Variants in WDR81 observed in about 807,000 individuals in gnomAD.
WDR81 encodes WD repeat domain 81, also known as WD repeat-containing protein 81.
In WDR81, 92 loss-of-function variants were observed where a neutral mutation model predicts 140.8. The observed-to-expected ratio is 0.65, with a 90% CI of 0.55 to 0.78. The LOEUF (loss-of-function observed/expected upper bound fraction) is 0.78, where lower values mean the gene tolerates loss of function less well. Among genes scored for constraint, WDR81 ranks in the 30% least tolerant of loss-of-function variants. The probability of loss-of-function intolerance (pLI) is 0.00; values close to 1 mark genes in which losing one functional copy is unlikely to be tolerated. For missense variants in WDR81, 2,502 were observed against 2,636.4 expected (o/e 0.95, Z 1.12); for synonymous variants, 1,183 against 1,156.4 (o/e 1.02, Z -0.47).
rs771082226 is a variant in WDR81, at chr17:1,730,755, G to C, written c.3776G>C (p.Gly1259Ala). 1.0e-5 allele frequency: 16 copies of C among 1,605,634 alleles called. No homozygotes were observed. The highest frequency in any genetic ancestry group is 1.4e-5 in the Non-Finnish European group (16 of 1,175,882). ...LLRLLTSCYV[G>A]PTRQQFTVSS... Reference sequence around the variant, plus strand: ...AGGGCTGCTGGCCCTTCCGTGGCAGGACCCACTCGGCAGCAGTTCACAGTG... The same window carrying C: ...AGGGCTGCTGGCCCTTCCGTGGCAGCACCCACTCGGCAGCAGTTCACAGTG... Residue 1259 changes from glycine to alanine, a missense_variant and splice_region_variant, in exon 3 of 10, where the codon GGA (glycine) becomes GCA (alanine). Physicochemically the swap from Gly to Ala is moderately conservative, Grantham distance 60. Transcript: ENST00000409644.
Position 1,727,274 on chromosome 17 carries a change from A to G in WDR81, c.2315A>G (p.Gln772Arg). ...CAGTGCCTACTCCACAGGGACATGC[A>G]GGCGCTGGGTGTCCTATTGGCAGAG... Reference protein sequence around the residue: ...PLQCLLHRDMQALGVLLAEMV... With the variant: ...PLQCLLHRDMRALGVLLAEMV... Residue 772 changes from glutamine (Q) to arginine (R), a missense_variant, in exon 1 of 10, where the codon CAG becomes CGG. Coordinates refer to ENST00000409644, the MANE Select transcript of WDR81 (RefSeq NM_001163809.2). 1 of 1,550,286 alleles carries G rather than the reference A, an allele frequency of 6.5e-7. No individual in the cohort carries two copies. The highest frequency in any genetic ancestry group is 8.7e-7 in the Non-Finnish European group (1 of 1,146,968).
chr17:1,732,328 C>T lies in WDR81; in HGVS notation c.4161C>T (p.Phe1387=). 6.2e-7 allele frequency: 1 copy of T among 1,613,172 alleles called. No individual in the cohort carries two copies. The highest frequency in any genetic ancestry group is 8.5e-7 in the Non-Finnish European group (1 of 1,179,924). ...AGCTCATGAGCTCTGTTTCCAGGTTCCCAAGTGGGGCCCAGGCTCGGACCA... is the reference window on the plus strand; with the variant it reads ...AGCTCATGAGCTCTGTTTCCAGGTTTCCAAGTGGGGCCCAGGCTCGGACCA... The part of the protein sequence containing the change: ...LSFLTSLVTG[F]PSGAQARTIL... The change falls in exon 5 of 10, where the codon TTC becomes TTT. Residue 1387 remains phenylalanine (F), a synonymous_variant. Transcript: ENST00000409644.
Position 1,732,713 on chromosome 17 carries a change from G to A in WDR81, c.4371G>A (p.Gln1457=). The part of the protein sequence containing the change: ...PAGRGEGQLP[Q]VVFSDGQQRP... ...GCCGTGGTGAGGGCCAGCTGCCACA[G>A]GTGGTCTTCTCTGATGGGCAGCAGC... is the stretch of plus-strand genomic sequence containing the variant. Residue 1457 remains glutamine (Q), a synonymous_variant, in exon 6 of 10, where the codon CAG becomes CAA. Transcript: ENST00000409644. 1 of 1,612,688 alleles carries A rather than the reference G, an allele frequency of 6.2e-7. No individual in the cohort carries two copies. The highest frequency in any genetic ancestry group is 2.2e-5 in the East Asian group (1 of 44,886).
chr17:1,729,990 CAAA>C (rs71375529), intron 1 of WDR81, among the ~76,000 whole-genome samples: 1 of 68,942 alleles, frequency 1.5e-5, no homozygotes, highest in Admixed American at 1.5e-4. Context: ...GACTCTGTCT[CAAA>C]AAAAAAAAAA....
chr17:1,716,695 AGCCCCTCC>A (rs1370150172), intron 1 of WDR81: 2 of 1,526,096 alleles, frequency 1.3e-6, no homozygotes, highest in Non-Finnish European at 1.8e-6. Context: ...AAAGGGCGAC[AGCCCCTCC>A]TTGTTGGAGT....
chr17:1,724,792 C>G lies in WDR81; in HGVS notation c.-168C>G, dbSNP rs1915107304. ...AGCGCAGGACCCGCGGAGGGGTAAG[C>G]GCGCCCCCCGTCCGCCTCTTCGCCG... On this transcript the variant is annotated 5_prime_UTR_variant, in exon 1 of 10. Transcript: ENST00000409644. 1 of 1,180,436 alleles carries G rather than the reference C, an allele frequency of 8.5e-7. No homozygotes were observed. The highest frequency in any genetic ancestry group is 1.0e-6 in the Non-Finnish European group (1 of 954,766). 73.1% of individuals were successfully genotyped at this position (1,180,436 alleles called of 1,614,324 possible).
In WDR81 at chr17:1,718,009, G is replaced by A. The variant is rs188920262; in HGVS notation, c.-124+1376G>A. ...TTGGGGTTCAGAACGCTGCTTCTCA[G>A]GCCAGCCGCCCCCTACTTCCTACTC... On this transcript the variant is annotated intron_variant, in intron 1 of 10. Coordinates refer to the WDR81 transcript ENST00000309182. 3.9e-4 allele frequency among the ~76,000 whole-genome samples: 60 copies of A among 152,262 alleles called. No individual in the cohort carries two copies. In the East Asian group the frequency reaches 0.011, roughly 28 times the overall value.
intron 4 of WDR81, 83 bp from the exon 5 acceptor site, chr17:1,732,236 CAATAAA>C: frequency 6.6e-7 from 1 of 1,521,390 alleles, no homozygotes; most frequent in South Asian, 1.3e-5. Flanking sequence ...GACTCCATCT[CAATAAA>C]AATAAAAATA....
At chr17:1,728,750 C>G (rs1018547699) in intron 1 of WDR81, 124 bp downstream of exon 1, 55 of 1,237,724 alleles carry the variant, frequency 4.4e-5, no homozygotes, top group Non-Finnish European at 5.7e-5. Flanking sequence ...GTCAGGAGAT[C>G]GAGACCATCC....
intron 3 of WDR81, 35 bp downstream of exon 3, chr17:1,730,980 A>C: frequency 6.2e-7 from 1 of 1,608,320 alleles, no homozygotes; most frequent in Non-Finnish European, 8.5e-7. Context: ...GGGGCTGGGA[A>C]GGCTGAGGAC....
chr17:1,730,573 C>A, intron 2 of WDR81, 86 bp downstream of exon 2: 1 of 1,446,974 alleles, frequency 6.9e-7, no homozygotes, highest in South Asian at 1.3e-5. Context: ...GGGGATCCTT[C>A]CCACCCCTCC....
intron 6 of WDR81, 116 bp from the exon 7 acceptor site, chr17:1,733,411 C>T: frequency 9.6e-7 from 1 of 1,039,846 alleles, no homozygotes; most frequent in South Asian, 1.7e-5. Context: ...GAGTTACTTG[C>T]CCAGAGTTGC....
rs1162430441 is a variant in WDR81 at position 1,727,408 on chromosome 17, T to G, written c.2449T>G (p.Ser817Ala). The G allele has an allele frequency of 6.5e-7, 1 of 1,550,332 alleles. No individual in the cohort carries two copies. Residue 817 changes from serine to alanine, a missense_variant, in exon 1 of 10, where the codon TCT (serine) becomes GCT (alanine). By Grantham distance (99) the Ser-to-Ala change is moderately conservative (BLOSUM62 1). Transcript: ENST00000409644. ...GCGCCACCCCAAGGAGGTCCCTGTG[T>G]CTTTGCAGCCCGTGCTGGACACACT... ...CTRHPKEVPV[S>A]LQPVLDTLLQ...
chr17:1,729,317 T>G (rs1567722281), intron 1 of WDR81, among the ~76,000 whole-genome samples: 1 of 151,414 alleles, frequency 6.6e-6, no homozygotes, highest in Non-Finnish European at 1.5e-5. Flanking sequence ...CCATCTCTAC[T>G]AAAAATACAA....
upstream of WDR81, among the ~76,000 whole-genome samples, chr17:1,722,435 C>T (rs1165629620): frequency 6.6e-6 from 1 of 150,964 alleles, no homozygotes; most frequent in East Asian, 2.0e-4. Flanking sequence ...CAACCTCTGC[C>T]TCCTGGGTTC....
intron 4 of WDR81, 107 bp downstream of exon 4, chr17:1,731,365 A>T: frequency 7.5e-7 from 1 of 1,337,958 alleles, no homozygotes; most frequent in East Asian, 2.5e-5. Context: ...CTGGGTGTCA[A>T]GAGTCCTGGT....
intron 7 of WDR81, among the ~76,000 whole-genome samples, chr17:1,734,635 C>T (rs979990758): frequency 1.3e-5 from 2 of 151,848 alleles, no homozygotes; most frequent in African/African-American, 2.4e-5. Context: ...AAAAATTAGC[C>T]GGGCGTGGTG....
rs901631912 is a variant in WDR81 at position 1,727,569 on chromosome 17, G to A, written c.2610G>A (p.Val870=). The change falls in exon 1 of 10, where the codon GTG becomes GTA. Residue 870 remains valine, a synonymous_variant. Transcript: ENST00000409644. The part of the protein sequence containing the change: ...PSQLLSPFSS[V]VPFPPYFPAL... Reference sequence around the variant, plus strand: ...AGCTTCTCAGCCCCTTCAGCTCCGTGGTTCCCTTCCCACCCTACTTCCCGG... The same window carrying A: ...AGCTTCTCAGCCCCTTCAGCTCCGTAGTTCCCTTCCCACCCTACTTCCCGG... The A allele has an allele frequency of 1.1e-5, 17 of 1,550,382 alleles. No individual in the cohort carries two copies. Among genetic ancestry groups the A allele is most frequent in the Middle Eastern group, 1.7e-4 (1 of 6,014 alleles).
At chr17:1,731,637 CT>C (rs2151170567) in intron 4 of WDR81, among the ~76,000 whole-genome samples, 1 of 152,220 alleles carries the variant, frequency 6.6e-6, no homozygotes, top group Non-Finnish European at 1.5e-5. Context: ...AGCGTGGTGT[CT>C]CACCCCTGTA....
Sources: allele counts gnomAD v4.1 joint callset (sites outside exome capture counted in the v4.1 genomes callset), GRCh38; gene constraint gnomAD v4.1.1; transcripts MANE v1.5; gene names NCBI Gene and HGNC (gene_info 2026-07-23, HGNC 2026-07-21).